The following PPP1R16B variants were observed in gnomAD, a reference collection of about 807,000 sequenced individuals.
The protein encoded by PPP1R16B is protein phosphatase 1 regulatory inhibitor subunit 16B.
PPP1R16B carries 14 observed loss-of-function variants against 61.7 expected under a neutral mutation model. That is an observed-to-expected ratio of 0.23 (90% CI 0.15 to 0.35). The LOEUF is 0.35. Ranked by LOEUF, PPP1R16B falls within the 10% of genes least tolerant of loss-of-function variation. The pLI is 1.00. For missense variants in PPP1R16B, 547 were observed against 752.5 expected (o/e 0.73, Z 3.19); for synonymous variants, 266 against 305.3 (o/e 0.87, Z 1.34).
intron 10 of PPP1R16B, among the ~76,000 whole-genome samples, chr20:38,917,508 C>A (rs2085552087): frequency 6.6e-6 from 1 of 152,098 alleles, no homozygotes; most frequent in South Asian, 2.1e-4. Context: ...TTTTCAAACT[C>A]TTGTTATCCA....
Position 38,921,237 on chromosome 20 carries a change from C to T in PPP1R16B, c.*2571C>T, listed in dbSNP as rs1360910127. ...GGGCTTTAAGTCCCTGGGGAGCTTT[C>T]CCTGTAGGTCTCCTGGGTGTTGAGA... On this transcript the variant is annotated 3_prime_UTR_variant, in exon 11 of 11. Coordinates refer to ENST00000299824, the MANE Select transcript of PPP1R16B (RefSeq NM_015568.4). The T allele has an allele frequency of 6.6e-6, 1 of 152,208 alleles. No individual in the cohort carries two copies. Among genetic ancestry groups the T allele is most frequent in the Non-Finnish European group, 1.5e-5 (1 of 68,030 alleles). 9.4% of individuals were successfully genotyped at this position (152,208 alleles called of 1,614,324 possible).
intron 2 of PPP1R16B, among the ~76,000 whole-genome samples, chr20:38,863,645 C>G (rs1439493712): frequency 1.3e-5 from 2 of 152,186 alleles, no homozygotes; most frequent in Admixed American, 6.5e-5. Flanking sequence ...CAGTGACGGT[C>G]ACAGTAACAC....
intron 2 of PPP1R16B, among the ~76,000 whole-genome samples, chr20:38,877,384 A>G (rs1034301750): frequency 2.0e-5 from 3 of 150,116 alleles, no homozygotes; most frequent in Admixed American, 6.7e-5. Flanking sequence ...ACCTCGGCCC[A>G]CTGCAACCTC....
At chr20:38,846,388 A>G (rs2084935769) in intron 2 of PPP1R16B, among the ~76,000 whole-genome samples, 1 of 152,182 alleles carries the variant, frequency 6.6e-6, no homozygotes, top group Non-Finnish European at 1.5e-5. Context: ...GGACACCTCA[A>G]TAGCTGCATG....
At chr20:38,850,917 G>T (rs914490210) in intron 2 of PPP1R16B, among the ~76,000 whole-genome samples, 1 of 148,612 alleles carries the variant, frequency 6.7e-6, no homozygotes, top group Non-Finnish European at 1.5e-5. Context: ...GCAGTGAGCC[G>T]AGATCATGCC....
intron 2 of PPP1R16B, among the ~76,000 whole-genome samples, chr20:38,862,552 A>G (rs1163991076): frequency 2.6e-5 from 4 of 152,238 alleles, no homozygotes; most frequent in African/African-American, 9.6e-5. Flanking sequence ...TAAAGTGAAG[A>G]GTCCCAAAGA....
At chr20:38,831,526 G>A (rs2084837228) in intron 1 of PPP1R16B, among the ~76,000 whole-genome samples, 1 of 152,230 alleles carries the variant, frequency 6.6e-6, no homozygotes, top group Non-Finnish European at 1.5e-5. Context: ...AAACTCAAAT[G>A]ACATTGGAGC....
At chr20:38,850,206 A>G (rs984526767) in intron 2 of PPP1R16B, among the ~76,000 whole-genome samples, 3 of 152,200 alleles carry the variant, frequency 2.0e-5, no homozygotes, top group Admixed American at 6.5e-5. Flanking sequence ...CTCATTGGCT[A>G]TGAGGTCGAT....
chr20:38,866,623 C>A (rs2085092637), intron 2 of PPP1R16B, among the ~76,000 whole-genome samples: 1 of 152,154 alleles, frequency 6.6e-6, no homozygotes, highest in Non-Finnish European at 1.5e-5. Flanking sequence ...TACAGCCCGC[C>A]ATGCAGGAGA....
At chr20:38,894,477 A>T (rs2085319632) in intron 3 of PPP1R16B, among the ~76,000 whole-genome samples, 1 of 152,330 alleles carries the variant, frequency 6.6e-6, no homozygotes, top group Admixed American at 6.5e-5. Context: ...GTGCACGCGC[A>T]CACACACCAT....
intron 10 of PPP1R16B, among the ~76,000 whole-genome samples, chr20:38,911,465 C>A (rs916038889): frequency 6.6e-6 from 1 of 151,826 alleles, no homozygotes; most frequent in Non-Finnish European, 1.5e-5. Context: ...CACGCCTGGC[C>A]GCCTCATTCT....
At chr20:38,897,785 T>G (rs2085360967) in intron 4 of PPP1R16B, among the ~76,000 whole-genome samples, 1 of 152,238 alleles carries the variant, frequency 6.6e-6, no homozygotes, top group South Asian at 2.1e-4. Flanking sequence ...TTTTTGTTAG[T>G]AGCCATACTA....
intron 4 of PPP1R16B, among the ~76,000 whole-genome samples, chr20:38,898,947 G>A (rs13433211): frequency 6.6e-6 from 1 of 152,172 alleles, no homozygotes. Flanking sequence ...GGCACACAGG[G>A]ATGCAGAAGT....
At chr20:38,906,484 AG>A (rs2085444733) in intron 7 of PPP1R16B, among the ~76,000 whole-genome samples, 1 of 151,844 alleles carries the variant, frequency 6.6e-6, no homozygotes, top group Non-Finnish European at 1.5e-5. Context: ...TAGTAGAGAC[AG>A]GGTTTCACCA....
In PPP1R16B at chr20:38,907,051, A is replaced by G. The variant is rs1568684172; in HGVS notation, c.895A>G (p.Ile299Val). 2.5e-6 allele frequency: 4 copies of G among 1,612,834 alleles called. No individual in the cohort carries two copies. Among genetic ancestry groups the G allele is most frequent in the Non-Finnish European group, 2.5e-6 (3 of 1,178,770 alleles). Residue 299 changes from isoleucine (I) to valine (V), a missense_variant, in exon 8 of 11, where the codon ATA becomes GTA. Ile to Val is a conservative substitution (Grantham distance 29, BLOSUM62 3). Transcript: ENST00000299824. The surrounding 1 kb of genome is among the most constrained non-coding windows in gnomAD (Gnocchi z 4.5). ...SARTSMDEMP[I>V]DLCEEEEFKV... ...AAGGACATCCATGGATGAGATGCCAATAGGTAAGTCCAGCACAATAGCTGG... is the reference window on the plus strand; with the variant it reads ...AAGGACATCCATGGATGAGATGCCAGTAGGTAAGTCCAGCACAATAGCTGG...
At chr20:38,829,385 C>T (rs929016674) in intron 1 of PPP1R16B, among the ~76,000 whole-genome samples, 6 of 152,216 alleles carry the variant, frequency 3.9e-5, no homozygotes, top group Non-Finnish European at 7.3e-5. Context: ...TCCACAGATC[C>T]CTGCCACAGA....
At chr20:38,854,730 G>C (rs542521240) in intron 2 of PPP1R16B, among the ~76,000 whole-genome samples, 1 of 152,312 alleles carries the variant, frequency 6.6e-6, no homozygotes, top group African/African-American at 2.4e-5. Flanking sequence ...AGGGAGGGGA[G>C]TGGGTCACCG....
In PPP1R16B at chr20:38,829,175, G is replaced by T. The variant is rs531502120; in HGVS notation, c.-101-6650G>T. Among the ~76,000 whole-genome samples the T allele has an allele frequency of 1.1e-4, 17 of 152,320 alleles. No individual in the cohort carries two copies. The Middle Eastern group carries it at 0.01, about 91-fold the overall frequency. On this transcript the variant is annotated intron_variant, in intron 1 of 10. Transcript: ENST00000299824. ...GAGTTAAGGCTCTAGGGGAAGAGGT[G>T]AACACACCTCAGTGGCCTGTTCCTG...
At chr20:38,910,570 G>A (rs1248580155) in intron 10 of PPP1R16B, among the ~76,000 whole-genome samples, 5 of 144,170 alleles carry the variant, frequency 3.5e-5, no homozygotes, top group African/African-American at 1.3e-4. Context: ...AGTTCACTCT[G>A]TTGCCTGGGC....
Sources: gnomAD v4.1 joint callset for allele counts (sites outside exome capture counted in the v4.1 genomes callset) on GRCh38, gnomAD v4.1.1 for gene constraint, Gnocchi (gnomAD v3.1) non-coding constraint, MANE v1.5 for transcripts, NCBI Gene and HGNC (gene_info 2026-07-23, HGNC 2026-07-21) for gene names.